The following TBC1D15 variants were observed in gnomAD, a reference collection of about 807,000 sequenced individuals.
TBC1D15 encodes GAP for RAB7.
A neutral mutation model predicts 95.4 loss-of-function variants in TBC1D15; 39 were observed. That is an observed-to-expected ratio of 0.41 (90% confidence interval 0.32 to 0.53). The LOEUF (loss-of-function observed/expected upper bound fraction) is 0.53. Ranked by LOEUF, TBC1D15 falls within the 20% of genes least tolerant of loss-of-function variation. The pLI, the probability that TBC1D15 is intolerant of heterozygous loss-of-function variation, is 0.29. For missense variants in TBC1D15, 733 were observed against 794.3 expected (o/e 0.92, Z 0.93); for synonymous variants, 258 against 261.3 (o/e 0.99, Z 0.12).
chr12:71,879,166 CTT>C (rs988919862), intron 3 of TBC1D15, among the ~76,000 whole-genome samples: 6 of 149,418 alleles, frequency 4.0e-5, no homozygotes, highest in African/African-American at 1.5e-4. Context: ...CAGTTTCGCT[CTT>C]GTCACCTAGG....
In TBC1D15 at chr12:71,848,814, G is replaced by A. The variant is rs12422870; in HGVS notation, c.30+9003G>A. Reference sequence around the variant, plus strand: ...GAAATTCACTTGGACGTAATTCCCTGTGGTAACAAAGAACTATGGCTTCCT... The same window carrying A: ...GAAATTCACTTGGACGTAATTCCCTATGGTAACAAAGAACTATGGCTTCCT... On this transcript the variant is annotated intron_variant, in intron 1 of 16. Coordinates refer to ENST00000485960, the MANE Select transcript of TBC1D15 (RefSeq NM_001146213.3). 2.0e-3 allele frequency among the ~76,000 whole-genome samples: 300 copies of A among 152,266 alleles called. 4 individuals carry two copies. Among genetic ancestry groups the A allele is most frequent in the Admixed American group, 0.015 (228 of 15,298 alleles).
At chr12:71,852,187 C>G (rs1040395728) in intron 1 of TBC1D15, among the ~76,000 whole-genome samples, 1 of 152,188 alleles carries the variant, frequency 6.6e-6, no homozygotes, top group Admixed American at 6.5e-5. Context: ...CTCAAAAGGG[C>G]CCAGCAGCCT....
intron 5 of TBC1D15, among the ~76,000 whole-genome samples, chr12:71,890,313 GA>G (rs755068361): frequency 2.0e-5 from 3 of 152,166 alleles, no homozygotes; most frequent in Non-Finnish European, 2.9e-5. Flanking sequence ...TATGGTCAAA[GA>G]TTGTTTTAGA....
At chr12:71,867,335 G>A (rs1265859511) in intron 1 of TBC1D15, among the ~76,000 whole-genome samples, 1 of 152,236 alleles carries the variant, frequency 6.6e-6, no homozygotes, top group Non-Finnish European at 1.5e-5. Flanking sequence ...GGAAATCTGT[G>A]ATTGGTGACT....
intron 5 of TBC1D15, among the ~76,000 whole-genome samples, chr12:71,887,458 C>G (rs980532222): frequency 6.6e-6 from 1 of 152,188 alleles, no homozygotes; most frequent in Non-Finnish European, 1.5e-5. Context: ...CCTGCCCTAT[C>G]TTAGCTCTGT....
At chr12:71,922,411 T>G (rs76439099) in intron 16 of TBC1D15, among the ~76,000 whole-genome samples, 4,150 of 151,966 alleles carry the variant, frequency 0.027, 193 homozygotes, top group African/African-American at 0.094. Flanking sequence ...TTTTTGATAC[T>G]TCAAGTTCTA....
chr12:71,893,717 G>A (rs530799060), intron 6 of TBC1D15, among the ~76,000 whole-genome samples: 4 of 151,962 alleles, frequency 2.6e-5, no homozygotes, highest in East Asian at 3.9e-4. Flanking sequence ...TTGTTTTGAC[G>A]TCATGACAAT....
chr12:71,855,912 C>T (rs892284582), intron 1 of TBC1D15, among the ~76,000 whole-genome samples: 1 of 148,408 alleles, frequency 6.7e-6, no homozygotes, highest in African/African-American at 2.6e-5. Context: ...TCAGTTGCAC[C>T]TTTTGTCTTG....
chr12:71,877,823 A>T (rs924697970), intron 3 of TBC1D15, among the ~76,000 whole-genome samples: 1 of 152,102 alleles, frequency 6.6e-6, no homozygotes, highest in Non-Finnish European at 1.5e-5. Context: ...ATTTCCCTCT[A>T]GTGACCTTTT....
chr12:71,887,313 T>G (rs1555201180), intron 5 of TBC1D15, among the ~76,000 whole-genome samples: 2 of 137,510 alleles, frequency 1.5e-5, no homozygotes, highest in Non-Finnish European at 3.1e-5. Flanking sequence ...ATTGAAGAGA[T>G]AACCAGTGTA....
intron 3 of TBC1D15, among the ~76,000 whole-genome samples, chr12:71,873,528 TG>T (rs1893133486): frequency 6.6e-6 from 1 of 152,242 alleles, no homozygotes; most frequent in Non-Finnish European, 1.5e-5. Flanking sequence ...AATGCTGCTG[TG>T]AGCATTCATG....
chr12:71,880,324 A>T, intron 3 of TBC1D15, 145 bp from the exon 4 acceptor site: 1 of 473,256 alleles, frequency 2.1e-6, no homozygotes, highest in Non-Finnish European at 3.5e-6. Context: ...GATGATCAAG[A>T]GAGAAAAGTA....
chr12:71,849,817 C>G (rs1887310114), intron 1 of TBC1D15: 2 of 550,478 alleles, frequency 3.6e-6, no homozygotes, highest in Non-Finnish European at 7.1e-6. Context: ...GTTTCTAACT[C>G]TAATAGACTT....
intron 1 of TBC1D15, among the ~76,000 whole-genome samples, chr12:71,861,254 T>C (rs898483727): frequency 3.3e-5 from 5 of 152,180 alleles, no homozygotes; most frequent in African/African-American, 1.2e-4. Flanking sequence ...CCTCTTCAGT[T>C]TTCTGGAAGA....
chr12:71,864,278 C>G (rs1890999455), intron 1 of TBC1D15, among the ~76,000 whole-genome samples: 1 of 152,040 alleles, frequency 6.6e-6, no homozygotes. Context: ...CCATGTTGGC[C>G]AGGATGGTCT....
At chr12:71,888,907 T>C (rs575257149) in intron 5 of TBC1D15, among the ~76,000 whole-genome samples, 1 of 151,718 alleles carries the variant, frequency 6.6e-6, no homozygotes, top group African/African-American at 2.4e-5. Flanking sequence ...GTGTCTTAGA[T>C]GCAGTAGTGC....
At chr12:71,877,501 TTCCTTCCTTCCTTC>T (rs1565993632) in intron 3 of TBC1D15, among the ~76,000 whole-genome samples, 3,359 of 63,490 alleles carry the variant, frequency 0.053, 137 homozygotes, top group South Asian at 0.22. Flanking sequence ...CTGTTTTTCC[TTCCTTCCTTCCTTC>T]CTTCCTTCCT....
intron 5 of TBC1D15, among the ~76,000 whole-genome samples, chr12:71,888,479 A>G (rs1292352871): frequency 6.6e-6 from 1 of 152,126 alleles, no homozygotes; most frequent in East Asian, 1.9e-4. Flanking sequence ...AAAAAAAAAA[A>G]AAAAGAATCA....
At chr12:71,850,984 C>CAAAA (rs1206992856) in intron 1 of TBC1D15, among the ~76,000 whole-genome samples, 1,798 of 45,106 alleles carry the variant, frequency 0.04, 75 homozygotes, top group African/African-American at 0.088. Flanking sequence ...CACTCCATCT[C>CAAAA]AAAAAAAAAA....
Sources: allele counts gnomAD v4.1 joint callset (sites outside exome capture counted in the v4.1 genomes callset), GRCh38; gene constraint gnomAD v4.1.1; transcripts MANE v1.5; gene names NCBI Gene and HGNC (gene_info 2026-07-23, HGNC 2026-07-21).